Variants in HPSE2 observed in about 807,000 individuals in gnomAD.
HPSE2 encodes inactive heparanase-2.
A neutral mutation model predicts 60.5 loss-of-function variants in HPSE2; 38 were observed. That is an observed-to-expected ratio of 0.63 (90% confidence interval 0.48 to 0.82). The LOEUF is 0.82. Among genes scored for constraint, HPSE2 ranks in the 40% least tolerant of loss-of-function variants. The probability of loss-of-function intolerance (pLI) is 0.00; values close to 1 mark genes in which losing one functional copy is unlikely to be tolerated. For synonymous variants in HPSE2, 295 were observed against 293.2 expected, an observed-to-expected ratio of 1.01 and a Z score of -0.06; for missense variants, 713 against 740.4, an observed-to-expected ratio of 0.96 and a Z score of 0.43.
intron 3 of HPSE2, among the ~76,000 whole-genome samples, chr10:99,076,681 C>T (rs946497508): frequency 6.6e-6 from 1 of 152,158 alleles, no homozygotes; most frequent in African/African-American, 2.4e-5. Flanking sequence ...AGCCTCCATG[C>T]CTGACTCTAT....
At chr10:98,752,302 C>T (rs1348197285) in intron 3 of HPSE2, among the ~76,000 whole-genome samples, 2 of 152,102 alleles carry the variant, frequency 1.3e-5, no homozygotes, top group African/African-American at 4.8e-5. Context: ...ATGAAATAAA[C>T]TAAAATGTGA....
intron 3 of HPSE2, among the ~76,000 whole-genome samples, chr10:98,887,204 T>C (rs1953190464): frequency 6.6e-6 from 1 of 152,094 alleles, no homozygotes; most frequent in Non-Finnish European, 1.5e-5. Flanking sequence ...AACCATAATA[T>C]CAACTTTAAT....
In HPSE2 at chr10:99,087,959, C is replaced by A. The variant is rs548492900; in HGVS notation, c.610+56279G>T. On this transcript the variant is annotated intron_variant, in intron 3 of 11. Transcript: ENST00000370552. Reference sequence around the variant, plus strand: ...TCCCTTCCATCCCTTAATTCCTGAACCCCCCCTTCTCATTAATTCTCTAAA... The same window carrying A: ...TCCCTTCCATCCCTTAATTCCTGAAACCCCCCTTCTCATTAATTCTCTAAA... 9.3e-5 allele frequency among the ~76,000 whole-genome samples: 14 copies of A among 151,348 alleles called. No individual in the cohort carries two copies. The East Asian group carries it at 2.7e-3, about 29-fold the overall frequency.
intron 3 of HPSE2, among the ~76,000 whole-genome samples, chr10:99,046,128 T>C (rs1348950580): frequency 1.3e-5 from 2 of 152,044 alleles, no homozygotes; most frequent in Non-Finnish European, 2.9e-5. Flanking sequence ...AAAGTCAATA[T>C]ACCAGAATCA....
At chr10:98,462,676 G>T (rs1483496938) in intron 11 of HPSE2, among the ~76,000 whole-genome samples, 2 of 151,378 alleles carry the variant, frequency 1.3e-5, no homozygotes, top group Non-Finnish European at 2.9e-5. Context: ...TTGTTTTTTT[G>T]AGAGGGAGCC....
intron 2 of HPSE2, among the ~76,000 whole-genome samples, chr10:99,159,232 G>A (rs1049502293): frequency 6.6e-6 from 1 of 152,016 alleles, no homozygotes; most frequent in African/African-American, 2.4e-5. Flanking sequence ...TATTTGAAAA[G>A]ATTAATACAA....
intron 3 of HPSE2, among the ~76,000 whole-genome samples, chr10:99,003,592 G>C (rs1956824480): frequency 6.6e-6 from 1 of 152,038 alleles, no homozygotes; most frequent in South Asian, 2.1e-4. Flanking sequence ...TGATGGTTAA[G>C]CACATTTTTG....
intron 3 of HPSE2, among the ~76,000 whole-genome samples, chr10:98,897,091 A>G (rs892275879): frequency 6.6e-6 from 1 of 152,172 alleles, no homozygotes; most frequent in Non-Finnish European, 1.5e-5. Flanking sequence ...GGTATGGAAA[A>G]CCAAATGTTG....
intron 9 of HPSE2, among the ~76,000 whole-genome samples, chr10:98,614,335 C>T (rs1945840951): frequency 6.6e-6 from 1 of 151,794 alleles, no homozygotes; most frequent in Non-Finnish European, 1.5e-5. Flanking sequence ...CTCAGTCGCC[C>T]AGGCTGGAGT....
chr10:98,518,601 G>C (rs537580885), intron 9 of HPSE2, among the ~76,000 whole-genome samples: 2 of 152,142 alleles, frequency 1.3e-5, no homozygotes, highest in South Asian at 2.1e-4. Flanking sequence ...CAGCTAACTA[G>C]GAGGCTGAGG....
At chr10:98,974,162 T>C (rs1956028421) in intron 3 of HPSE2, among the ~76,000 whole-genome samples, 3 of 151,732 alleles carry the variant, frequency 2.0e-5, no homozygotes, top group East Asian at 3.9e-4. Flanking sequence ...TGTGGTGGTG[T>C]GCACCCGTAA....
rs1010785610 is a variant in HPSE2 at position 99,202,629 on chromosome 10, A to G, written c.448+29719T>C. Reference sequence around the variant, plus strand: ...ATGAATTAAATGGTGGTATTTGGAAACCTGCTTAGTAGGGTAGTTGTGAGG... The same window carrying G: ...ATGAATTAAATGGTGGTATTTGGAAGCCTGCTTAGTAGGGTAGTTGTGAGG... On this transcript the variant is annotated intron_variant, in intron 2 of 11. Coordinates refer to ENST00000370552, the MANE Select transcript of HPSE2 (RefSeq NM_021828.5). Among the ~76,000 whole-genome samples the G allele has an allele frequency of 3.3e-5, 5 of 152,152 alleles. No homozygotes were observed. In the South Asian group the frequency reaches 1.0e-3, roughly 32 times the overall value.
At chr10:98,573,104 T>C (rs1944545382) in intron 9 of HPSE2, among the ~76,000 whole-genome samples, 1 of 152,248 alleles carries the variant, frequency 6.6e-6, no homozygotes, top group Non-Finnish European at 1.5e-5. Context: ...AACTTTATTT[T>C]CCTCAATTGT....
chr10:98,460,226 C>T (rs539962874), intron 11 of HPSE2, among the ~76,000 whole-genome samples: 1 of 152,310 alleles, frequency 6.6e-6, no homozygotes, highest in East Asian at 1.9e-4. Flanking sequence ...TAACTCATAT[C>T]TCATTAATTT....
At chr10:99,284,238 T>G in the HPSE2 span, among the ~76,000 whole-genome samples, 4 of 152,102 alleles carry the variant, frequency 2.6e-5, no homozygotes, top group African/African-American at 9.7e-5. Flanking sequence ...CATACAAAGT[T>G]AATCAATGTA....
At chr10:99,115,130 T>C (rs564462367) in intron 3 of HPSE2, among the ~76,000 whole-genome samples, 1 of 149,030 alleles carries the variant, frequency 6.7e-6, no homozygotes, top group Admixed American at 6.8e-5. Context: ...ACTATACACA[T>C]GCACCACCTC....
intron 3 of HPSE2, among the ~76,000 whole-genome samples, chr10:99,014,996 A>C (rs571663406): frequency 2.6e-5 from 4 of 152,320 alleles, no homozygotes; most frequent in African/African-American, 9.6e-5. Flanking sequence ...CCCCATCAAA[A>C]AGTGGGCGAA....
At chr10:98,698,869 A>G (rs1253358600) in intron 5 of HPSE2, among the ~76,000 whole-genome samples, 1 of 152,200 alleles carries the variant, frequency 6.6e-6, no homozygotes, top group African/African-American at 2.4e-5. Context: ...ACACCTCTAC[A>G]CAAATAAACT....
chr10:98,573,533 A>AG (rs1564979847), intron 9 of HPSE2, among the ~76,000 whole-genome samples: 1 of 151,822 alleles, frequency 6.6e-6, no homozygotes, highest in Non-Finnish European at 1.5e-5. Flanking sequence ...GTTGTCCCCC[A>AG]TTCTAAAAGC....
Sources: gnomAD v4.1 joint callset for allele counts (sites outside exome capture counted in the v4.1 genomes callset) on GRCh38, gnomAD v4.1.1 for gene constraint, MANE v1.5 for transcripts, NCBI Gene and HGNC (gene_info 2026-07-23, HGNC 2026-07-21) for gene names.